Variants in PDIK1L observed in about 807,000 individuals in gnomAD.
PDIK1L encodes serine/threonine-protein kinase PDIK1L.
PDIK1L carries 9 observed loss-of-function variants against 27.1 expected under a neutral mutation model. That is an observed-to-expected ratio of 0.33 (90% confidence interval 0.20 to 0.58). The LOEUF (loss-of-function observed/expected upper bound fraction) is 0.58. PDIK1L is among the 20% of genes least tolerant of loss of function. The pLI, the probability that PDIK1L is intolerant of heterozygous loss-of-function variation, is 0.86. For missense variants in PDIK1L, 216 were observed against 413.2 expected, an observed-to-expected ratio of 0.52 and a Z score of 4.14; for synonymous variants, 130 against 141.7, an observed-to-expected ratio of 0.92 and a Z score of 0.59.
At chr1:26,120,980 T>C (rs1245168828) in intron 2 of PDIK1L, among the ~76,000 whole-genome samples, 1 of 150,804 alleles carries the variant, frequency 6.6e-6, no homozygotes, top group Non-Finnish European at 1.5e-5. Context: ...GACTATGTAC[T>C]GTATTTTAGA....
intron 2 of PDIK1L, among the ~76,000 whole-genome samples, chr1:26,115,524 A>G (rs1313328382): frequency 1.3e-5 from 2 of 152,244 alleles, no homozygotes; most frequent in Non-Finnish European, 2.9e-5. Flanking sequence ...TTCTTGGGCC[A>G]GGCACAGTGG....
At chr1:26,121,336 A>G (rs2087983885) in intron 2 of PDIK1L, among the ~76,000 whole-genome samples, 1 of 152,224 alleles carries the variant, frequency 6.6e-6, no homozygotes, top group Non-Finnish European at 1.5e-5. Context: ...TTTCTGCAAC[A>G]GCTGGTTGTT....
At position 26,113,408 on chromosome 1, in the gene PDIK1L, C is replaced by T. The variant is rs567980128; in HGVS notation, c.-17-884C>T. On this transcript the variant is annotated intron_variant, in intron 1 of 2. Transcript: ENST00000374269. ...TCGGGAGGCTGAGGCAGGAGAATGG[C>T]GTGAACCTGGGAGGCGGAGCTTGCA... is the stretch of plus-strand genomic sequence containing the variant. Among the ~76,000 whole-genome samples, 22 of 146,502 alleles carry T rather than the reference C, an allele frequency of 1.5e-4. No individual in the cohort carries two copies. In the South Asian group the frequency reaches 4.7e-3, roughly 31 times the overall value.
intron 2 of PDIK1L, among the ~76,000 whole-genome samples, chr1:26,116,214 A>C (rs557325244): frequency 7.0e-6 from 1 of 143,790 alleles, no homozygotes; most frequent in South Asian, 2.2e-4. Context: ...AAAAAAAAAA[A>C]AAACTCTGCT....
In PDIK1L at chr1:26,114,383, A is replaced by G; in HGVS notation, c.75A>G (p.Ala25=). ...GTAGTTACGGTGTTGTGTATGAAGCAGTCATCAGAAAGACCTCTGCACGGG... is the reference window on the plus strand; with the variant it reads ...GTAGTTACGGTGTTGTGTATGAAGCGGTCATCAGAAAGACCTCTGCACGGG... ...GRGSYGVVYE[A]VIRKTSARVA... is the part of the protein sequence containing the mutation. Residue 25 remains alanine (A), a synonymous_variant, in exon 2 of 3, where the codon GCA becomes GCG. Coordinates refer to ENST00000374269, the MANE Select transcript of PDIK1L (RefSeq NM_152835.5). This position sits in a 1 kb window ranked among gnomAD's most constrained non-coding sequence, Gnocchi z 4.8. 6.2e-7 allele frequency: 1 copy of G among 1,614,112 alleles called. No individual in the cohort carries two copies. Among genetic ancestry groups the G allele is most frequent in the Non-Finnish European group, 8.5e-7 (1 of 1,180,008 alleles).
In PDIK1L at chr1:26,117,014, C is replaced by G. The variant is rs1325265857; in HGVS notation, c.285+2421C>G. Among the ~76,000 whole-genome samples, 5 of 140,058 alleles carry G rather than the reference C, an allele frequency of 3.6e-5. No individual in the cohort carries two copies. In the Admixed American group the frequency reaches 3.6e-4, roughly 10 times the overall value. The allele number at this position is 140,058 out of a possible 152,430, so 91.9% of individuals were successfully genotyped here. A position where few individuals can be genotyped will look rare whatever the true frequency, so the allele number is the denominator to read the frequency against. On this transcript the variant is annotated intron_variant, in intron 2 of 2. Transcript: ENST00000374269. ...TACAGGCGTGAGCCACTGCGCCCAA[C>G]CTTTTTTTTTTTTTTTTTTTTTTTT...
Position 26,122,599 on chromosome 1 carries a change from A to G in PDIK1L, c.*22A>G, listed in dbSNP as rs1398392189. The stretch of plus-strand genomic sequence containing the variant: ...GTGACACATATTATTTGCAAATACC[A>G]TGGATGATATGCTGCTTCTGTTTAA... On this transcript the variant is annotated 3_prime_UTR_variant, in exon 3 of 3. Coordinates refer to ENST00000374269, the MANE Select transcript of PDIK1L (RefSeq NM_152835.5). The surrounding 1 kb of genome is among the most constrained non-coding windows in gnomAD (Gnocchi z 5.4). The G allele has an allele frequency of 1.3e-6, 2 of 1,578,686 alleles. No homozygotes were observed. The highest frequency in any genetic ancestry group is 8.6e-7 in the Non-Finnish European group (1 of 1,162,890).
At chr1:26,119,805 G>A (rs12089854) in intron 2 of PDIK1L, among the ~76,000 whole-genome samples, 2,413 of 152,198 alleles carry the variant, frequency 0.016, 76 homozygotes, top group African/African-American at 0.054. Flanking sequence ...GTTGCAGTGA[G>A]CCGAGATCGC....
intron 2 of PDIK1L, among the ~76,000 whole-genome samples, chr1:26,115,456 A>T (rs948212873): frequency 1.2e-4 from 19 of 152,228 alleles, no homozygotes; most frequent in African/African-American, 4.6e-4. Flanking sequence ...CAAAGAATAG[A>T]AAATATATTA....
chr1:26,111,629 C>T (rs1330667909), upstream of PDIK1L, among the ~76,000 whole-genome samples: 2 of 151,442 alleles, frequency 1.3e-5, no homozygotes, highest in Admixed American at 6.6e-5. The surrounding 1 kb of genome is among the most constrained non-coding windows in gnomAD (Gnocchi z 4.0). Flanking sequence ...TGGTGCGCTC[C>T]GGAGCGCGCA....
intron 2 of PDIK1L, among the ~76,000 whole-genome samples, chr1:26,119,588 C>G (rs551173383): frequency 6.6e-6 from 1 of 152,120 alleles, no homozygotes; most frequent in Non-Finnish European, 1.5e-5. Context: ...AGAGGCTGGG[C>G]GCAGTGGCTC....
chr1:26,114,568 G>T lies in PDIK1L; in HGVS notation c.260G>T (p.Gly87Val), dbSNP rs577906448. The T allele has an allele frequency of 6.2e-7, 1 of 1,613,730 alleles. No homozygotes were observed. The highest frequency in any genetic ancestry group is 8.5e-7 in the Non-Finnish European group (1 of 1,179,652). ...KDGMVQKMSH[G>V]SNSSLYLQLV... Reference sequence around the variant, plus strand: ...GGGATGGTGCAAAAGATGTCCCACGGCTCTAATTCTTCCCTTTATTTACAG... The same window carrying T: ...GGGATGGTGCAAAAGATGTCCCACGTCTCTAATTCTTCCCTTTATTTACAG... The change falls in exon 2 of 3, where the codon GGC (glycine) becomes GTC (valine). Residue 87 changes from glycine to valine, a missense_variant. Gly to Val is a moderately radical substitution (Grantham distance 109). This residue lies in a region of PDIK1L where 169 missense variants were observed against 366.0 expected (regional missense o/e 0.46). Coordinates refer to ENST00000374269, the MANE Select transcript of PDIK1L (RefSeq NM_152835.5). The surrounding 1 kb of genome is among the most constrained non-coding windows in gnomAD (Gnocchi z 4.8).
intron 2 of PDIK1L, among the ~76,000 whole-genome samples, chr1:26,120,258 C>T (rs562200203): frequency 6.6e-6 from 1 of 152,312 alleles, no homozygotes; most frequent in African/African-American, 2.4e-5. Flanking sequence ...TACTCTAAAA[C>T]ATTCTTTGAA....
chr1:26,123,176 G>GT lies in PDIK1L; in HGVS notation c.*614dup, dbSNP rs397939050. The GT allele has an allele frequency of 0.034, 3,973 of 118,494 alleles. 109 individuals are homozygous for GT. Among genetic ancestry groups the GT allele is most frequent in the African/African-American group, 0.077 (2,532 of 32,968 alleles). 7.3% of individuals were successfully genotyped at this position (118,494 alleles called of 1,614,324 possible). ...CCCCCTAATGAAATCATATTAAGTT[G>GT]TTTTTTTTTTTTTTTGTAATATACA... On this transcript the variant is annotated 3_prime_UTR_variant, in exon 3 of 3. Coordinates refer to ENST00000374269, the MANE Select transcript of PDIK1L (RefSeq NM_152835.5).
chr1:26,112,798 T>C (rs2087818499), intron 1 of PDIK1L: 1 of 152,250 alleles, frequency 6.6e-6, no homozygotes, highest in South Asian at 2.1e-4. Context: ...CTGTACAGAA[T>C]AAATATTGTA....
chr1:26,124,757 A>G lies in PDIK1L; in HGVS notation c.*2180A>G, dbSNP rs1159996974. ...TATTCTAAAATAGCCAAGCAAAATG[A>G]TAGTAAATTCTTTGTCTTTGTTCTT... On this transcript the variant is annotated 3_prime_UTR_variant, in exon 3 of 3. Coordinates refer to ENST00000374269, the MANE Select transcript of PDIK1L (RefSeq NM_152835.5). 1 of 152,194 alleles carries G rather than the reference A, an allele frequency of 6.6e-6. No homozygotes were observed. The highest frequency in any genetic ancestry group is 1.5e-5 in the Non-Finnish European group (1 of 68,022). 9.4% of individuals were successfully genotyped at this position (152,194 alleles called of 1,614,324 possible).
intron 2 of PDIK1L, among the ~76,000 whole-genome samples, chr1:26,116,245 T>G (rs2802327): frequency 3.3e-5 from 5 of 149,802 alleles, no homozygotes; most frequent in Non-Finnish European, 7.4e-5. Flanking sequence ...CGTGGTGGCT[T>G]ACGCCTCTAA....
chr1:26,114,382 C>T lies in PDIK1L; in HGVS notation c.74C>T (p.Ala25Val). The change falls in exon 2 of 3, where the codon GCA becomes GTA. Residue 25 changes from alanine to valine, a missense_variant. Ala to Val is a moderately conservative substitution (Grantham distance 64, BLOSUM62 0). Transcript: ENST00000374269. This position sits in a 1 kb window ranked among gnomAD's most constrained non-coding sequence, Gnocchi z 4.8. ...GGTAGTTACGGTGTTGTGTATGAAG[C>T]AGTCATCAGAAAGACCTCTGCACGG... is the stretch of plus-strand genomic sequence containing the variant. Reference protein sequence around the residue: ...GRGSYGVVYEAVIRKTSARVA... With the variant: ...GRGSYGVVYEVVIRKTSARVA... 1.9e-6 allele frequency: 3 copies of T among 1,613,968 alleles called. No individual in the cohort carries two copies. Among genetic ancestry groups the T allele is most frequent in the Non-Finnish European group, 2.5e-6 (3 of 1,179,968 alleles).
intron 1 of PDIK1L, among the ~76,000 whole-genome samples, chr1:26,113,496 T>C (rs577246958): frequency 8.7e-6 from 1 of 114,550 alleles, no homozygotes; most frequent in Non-Finnish European, 1.8e-5. Flanking sequence ...CGAGACTCCG[T>C]CTAAAAAAAA....
Sources: allele counts gnomAD v4.1 joint callset (sites outside exome capture counted in the v4.1 genomes callset), GRCh38; gene constraint gnomAD v4.1.1; regional missense constraint gnomAD v4.1.1; non-coding constraint Gnocchi (gnomAD v3.1); transcripts MANE v1.5; gene names NCBI Gene and HGNC (gene_info 2026-07-23, HGNC 2026-07-21).